SYT3: variants seen among roughly 807,000 people sequenced by gnomAD.
The protein encoded by SYT3 is synaptotagmin 3.
In SYT3, 25 loss-of-function variants were observed where a neutral mutation model predicts 50.6. The observed-to-expected ratio is 0.49, with a 90% CI of 0.36 to 0.69. SYT3 has a LOEUF of 0.69. SYT3 is among the 30% of genes least tolerant of loss of function. The pLI is 0.00. For synonymous variants in SYT3, 323 were observed against 353.9 expected (o/e 0.91, Z 0.98); for missense variants, 589 against 793.6 (o/e 0.74, Z 3.10).
At chr19:50,655,940 A>G in the SYT3 span, 1 of 1,029,712 alleles carries the variant, frequency 9.7e-7, no homozygotes, top group Non-Finnish European at 1.4e-6. Context: ...AACATCTGGC[A>G]TACAAGCTAT....
chr19:50,641,990 C>T (rs1010138708), upstream of SYT3, among the ~76,000 whole-genome samples: 3 of 152,232 alleles, frequency 2.0e-5, no homozygotes, highest in African/African-American at 7.2e-5. Flanking sequence ...GGCCCTCCCT[C>T]TAATTAGATT....
chr19:50,629,338 G>T lies in SYT3; in HGVS notation c.1237C>A (p.Pro413Thr), dbSNP rs1379098638. Residue 413 changes from proline (P) to threonine (T), a missense_variant, in exon 6 of 11, where the codon CCC becomes ACC. Physicochemically the swap from Pro to Thr is conservative, Grantham distance 38 (BLOSUM62 -1). This residue lies in a region of SYT3 where 273 missense variants were observed against 439.3 expected (regional missense o/e 0.62). Transcript: ENST00000600079. ...LDNLLELAEQPPDRPLWRDIV... is the reference protein window; with the variant it reads ...LDNLLELAEQTPDRPLWRDIV... ...TCCCTCCAGAGCGGGCGGTCAGGGG[G>T]CTGCTCGGCCAGCTCCAGGAGGTTG... 1.2e-6 allele frequency: 2 copies of T among 1,613,138 alleles called. No homozygotes were observed. Among genetic ancestry groups the T allele is most frequent in the East Asian group, 2.2e-5 (1 of 44,856 alleles).
rs1241315193 is a variant in SYT3, at chr19:50,629,360, G to A, written c.1215C>T (p.Asn405=). The change falls in exon 6 of 11, where the codon AAC becomes AAT. Residue 405 remains asparagine (N), a synonymous_variant. Coordinates refer to ENST00000600079, the MANE Select transcript of SYT3 (RefSeq NM_001160329.2). ...HDLIGQVVLD[N]LLELAEQPPD... ...GGGGCTGCTCGGCCAGCTCCAGGAG[G>A]TTGTCCAGCACCACCTGGCCGATGA... is the stretch of plus-strand genomic sequence containing the variant. The A allele has an allele frequency of 2.5e-6, 4 of 1,613,764 alleles. No individual in the cohort carries two copies. The highest frequency in any genetic ancestry group is 8.5e-7 in the Non-Finnish European group (1 of 1,179,864).
intron 6 of SYT3, 195 bp from the exon 7 acceptor site, chr19:50,626,212 A>G (rs2088265725): frequency 2.7e-6 from 2 of 751,064 alleles, no homozygotes; most frequent in Non-Finnish European, 4.0e-6. Context: ...ATCAAAGCTT[A>G]TTTGTTCTGC....
At chr19:50,641,520 A>G (rs545550658), upstream of SYT3, among the ~76,000 whole-genome samples, 66 of 151,710 alleles carry the variant, frequency 4.4e-4, no homozygotes, top group African/African-American at 1.5e-3. Flanking sequence ...ACTGCATTCC[A>G]TCCAGCCTGG....
rs1463998892 is a variant in SYT3 at position 50,625,937 on chromosome 19, T to A, written c.1362A>T (p.Lys454Asn). ...TAGRLTVTII[K>N]ASNLKAMDLT... ...GGTCCATCGCTTTGAGGTTAGAGGC[T>A]TTGATGATGGTCACGGTGAGGCGCC... Residue 454 changes from lysine (K) to asparagine (N), a missense_variant, in exon 7 of 11, where the codon AAA becomes AAT. Physicochemically the swap from Lys to Asn is moderately conservative, Grantham distance 94 (BLOSUM62 0). Around this residue, in one of 2 missense-constraint regions of SYT3, gnomAD observed 273 missense variants for 439.3 expected, o/e 0.62. Transcript: ENST00000600079. The surrounding 1 kb of genome is among the most constrained non-coding windows in gnomAD (Gnocchi z 7.5). 1.9e-6 allele frequency: 3 copies of A among 1,614,100 alleles called. No homozygotes were observed. The highest frequency in any genetic ancestry group is 2.5e-6 in the Non-Finnish European group (3 of 1,180,004).
the SYT3 span, among the ~76,000 whole-genome samples, chr19:50,651,130 G>A: frequency 6.6e-6 from 1 of 152,148 alleles, no homozygotes; most frequent in Non-Finnish European, 1.5e-5. Context: ...TGGATGAAAC[G>A]GCCTGGCTTG....
At chr19:50,652,323 A>G in the SYT3 span, among the ~76,000 whole-genome samples, 1 of 152,220 alleles carries the variant, frequency 6.6e-6, no homozygotes, top group African/African-American at 2.4e-5. Flanking sequence ...GCACTTTGCT[A>G]GATGCTGGGG....
Position 50,637,254 on chromosome 19 carries a change from G to T in SYT3, c.148+10C>A, listed in dbSNP as rs1984524263. 1.2e-6 allele frequency: 2 copies of T among 1,611,428 alleles called. No individual in the cohort carries two copies. Among genetic ancestry groups the T allele is most frequent in the Admixed American group, 1.7e-5 (1 of 59,984 alleles). On this transcript the variant is annotated intron_variant, in intron 3 of 10. Transcript: ENST00000600079. This position sits in a 1 kb window ranked among gnomAD's most constrained non-coding sequence, Gnocchi z 4.9. The stretch of plus-strand genomic sequence containing the variant: ...GCAGGGGGCTGGCCAAGACAGGCAG[G>T]GGTGCTGACCTGCATCTGGACCCCG...
chr19:50,653,090 T>G, the SYT3 span, among the ~76,000 whole-genome samples: 1 of 152,346 alleles, frequency 6.6e-6, no homozygotes, highest in African/African-American at 2.4e-5. Flanking sequence ...CAGGATGCAG[T>G]GCAGTGGCAC....
At chr19:50,642,591 T>A (rs1984699024), upstream of SYT3, among the ~76,000 whole-genome samples, 1 of 152,250 alleles carries the variant, frequency 6.6e-6, no homozygotes, top group Non-Finnish European at 1.5e-5. Flanking sequence ...CCCAGCACTT[T>A]GGGAGGCCGA....
chr19:50,655,092 A>G, the SYT3 span, among the ~76,000 whole-genome samples: 6 of 152,188 alleles, frequency 3.9e-5, no homozygotes, highest in African/African-American at 1.4e-4. Context: ...ACTCCAGCTA[A>G]CACTTCATTG....
chr19:50,625,400 A>T lies in SYT3; in HGVS notation c.1567T>A (p.Tyr523Asn). The T allele has an allele frequency of 3.9e-6, 6 of 1,548,906 alleles. No individual in the cohort carries two copies. Among genetic ancestry groups the T allele is most frequent in the Non-Finnish European group, 5.2e-6 (6 of 1,147,116 alleles). The change falls in exon 8 of 11, where the codon TAC (tyrosine) becomes AAC (asparagine). Residue 523 changes from tyrosine (Y) to asparagine (N), a missense_variant. Physicochemically the swap from Tyr to Asn is moderately radical, Grantham distance 143 (BLOSUM62 -2). This residue lies in a region of SYT3 where 273 missense variants were observed against 439.3 expected (regional missense o/e 0.62). Coordinates refer to ENST00000600079, the MANE Select transcript of SYT3 (RefSeq NM_001160329.2). This position sits in a 1 kb window ranked among gnomAD's most constrained non-coding sequence, Gnocchi z 7.5. ...CCGGGCCGCGCCCCTCACCAGTCGT[A>T]GTCTACCACGGCGATGCTGAGCCCC... ...NVGLSIAVVDYDCIGHNEVIG... is the reference protein window; with the variant it reads ...NVGLSIAVVDNDCIGHNEVIG...
the SYT3 span, chr19:50,657,845 C>A: frequency 9.3e-7 from 1 of 1,073,456 alleles, no homozygotes; most frequent in East Asian, 2.8e-5. Context: ...GCGACAGTAC[C>A]CTGGGATTAA....
At chr19:50,638,659 G>A (rs1984571584) in intron 2 of SYT3, among the ~76,000 whole-genome samples, 1 of 152,130 alleles carries the variant, frequency 6.6e-6, no homozygotes, top group South Asian at 2.1e-4. Context: ...AAGAGGGGCA[G>A]GCAGGAGTGT....
rs374266955 is a variant in SYT3 at position 50,625,397 on chromosome 19, C to A, written c.1570G>T (p.Asp524Tyr). Residue 524 changes from aspartate to tyrosine, a missense_variant, in exon 8 of 11, where the codon GAC becomes TAC. Asp to Tyr is a radical substitution (Grantham distance 160, BLOSUM62 -3). Coordinates refer to ENST00000600079, the MANE Select transcript of SYT3 (RefSeq NM_001160329.2). This position sits in a 1 kb window ranked among gnomAD's most constrained non-coding sequence, Gnocchi z 7.5. ...VGLSIAVVDY[D>Y]CIGHNEVIGV... ...CGCCCGGGCCGCGCCCCTCACCAGT[C>A]GTAGTCTACCACGGCGATGCTGAGC... The A allele has an allele frequency of 6.5e-7, 1 of 1,549,580 alleles. No homozygotes were observed. The highest frequency in any genetic ancestry group is 8.7e-7 in the Non-Finnish European group (1 of 1,147,280).
chr19:50,653,637 T>C, the SYT3 span, among the ~76,000 whole-genome samples: 1 of 150,334 alleles, frequency 6.7e-6, no homozygotes, highest in African/African-American at 2.5e-5. Flanking sequence ...CCACTGACTA[T>C]AGTTAAACCA....
At chr19:50,656,074 C>A in the SYT3 span, 2 of 1,536,134 alleles carry the variant, frequency 1.3e-6, no homozygotes, top group South Asian at 1.2e-5. Flanking sequence ...GACCTGGAGA[C>A]CCCAGAGGAG....
At position 50,637,354 on chromosome 19, in the gene SYT3, G is replaced by A. The variant is rs778291990; in HGVS notation, c.58C>T (p.Leu20Phe). ...TCAGCATCTCGGACCCGCGCACAGA[G>A]GTCCGAGACCAGGATGAGTGCCCGC... is the stretch of plus-strand genomic sequence containing the variant. ...CRRALILVSDLCARVRDADTN... is the reference protein window; with the variant it reads ...CRRALILVSDFCARVRDADTN... Residue 20 changes from leucine to phenylalanine, a missense_variant, in exon 3 of 11, where the codon CTC (leucine) becomes TTC (phenylalanine). This residue lies in a region of SYT3 where 316 missense variants were observed against 354.3 expected (regional missense o/e 0.89). Coordinates refer to ENST00000600079, the MANE Select transcript of SYT3 (RefSeq NM_001160329.2). This position sits in a 1 kb window ranked among gnomAD's most constrained non-coding sequence, Gnocchi z 4.9. 6.8e-6 allele frequency: 11 copies of A among 1,612,088 alleles called. No individual in the cohort carries two copies. The highest frequency in any genetic ancestry group is 9.3e-6 in the Non-Finnish European group (11 of 1,179,424).
Sources: allele counts gnomAD v4.1 joint callset (sites outside exome capture counted in the v4.1 genomes callset), GRCh38; gene constraint gnomAD v4.1.1; regional missense constraint gnomAD v4.1.1; non-coding constraint Gnocchi (gnomAD v3.1); transcripts MANE v1.5; gene names NCBI Gene and HGNC (gene_info 2026-07-23, HGNC 2026-07-21).